The following DAP variants were observed in gnomAD, a reference collection of about 807,000 sequenced individuals.
DAP encodes the protein death-associated protein 1.
Under a neutral mutation model 13.8 loss-of-function variants are expected in DAP, and 8 were observed. That is an observed-to-expected ratio of 0.58 (90% CI 0.34 to 1.05). DAP has a LOEUF of 1.05. DAP is among the 50% of genes least tolerant of loss of function. DAP has a pLI of 0.03. For synonymous variants in DAP, 47 were observed against 47.5 expected (o/e 0.99, Z 0.04); for missense variants, 106 against 133.2 (o/e 0.80, Z 1.01).
chr5:10,750,994 C>A (rs894438347), intron 1 of DAP, among the ~76,000 whole-genome samples: 13 of 152,334 alleles, frequency 8.5e-5, no homozygotes, highest in South Asian at 6.2e-4. Context: ...TAAAAGCAAG[C>A]CTTTGTTTAC....
intron 2 of DAP, among the ~76,000 whole-genome samples, chr5:10,716,774 C>T (rs912003541): frequency 5.3e-5 from 8 of 152,174 alleles, no homozygotes; most frequent in South Asian, 2.1e-4. Context: ...ATAAACTCCC[C>T]TTTATATGTA....
intron 3 of DAP, chr5:10,683,171 G>A: frequency 3.2e-6 from 1 of 315,496 alleles, no homozygotes. Flanking sequence ...CTTTCTTCAG[G>A]CATCCTCTGA....
At chr5:10,757,786 A>C (rs1337547874) in intron 1 of DAP, among the ~76,000 whole-genome samples, 5 of 152,126 alleles carry the variant, frequency 3.3e-5, no homozygotes, top group African/African-American at 1.2e-4. Context: ...AGAGTTGAGG[A>C]AGGTGTGGGC....
chr5:10,709,858 A>T (rs910162544), intron 2 of DAP, among the ~76,000 whole-genome samples: 7 of 152,180 alleles, frequency 4.6e-5, no homozygotes, highest in African/African-American at 1.7e-4. Flanking sequence ...CCCTTCTTGT[A>T]TTCTTTAGGG....
chr5:10,681,821 A>C (rs928763589), intron 3 of DAP, among the ~76,000 whole-genome samples: 2 of 150,252 alleles, frequency 1.3e-5, no homozygotes, highest in African/African-American at 2.5e-5. Flanking sequence ...TATAAGAGGA[A>C]GCTCCAGGCC....
chr5:10,726,285 T>C (rs1174705631), intron 2 of DAP, among the ~76,000 whole-genome samples: 3 of 152,252 alleles, frequency 2.0e-5, no homozygotes, highest in African/African-American at 7.2e-5. Flanking sequence ...TTTTCTCCCT[T>C]TAACACAGTG....
At chr5:10,741,071 C>G (rs1739741067) in intron 2 of DAP, among the ~76,000 whole-genome samples, 1 of 152,188 alleles carries the variant, frequency 6.6e-6, no homozygotes, top group Admixed American at 6.5e-5. Context: ...TTGGCTGTAG[C>G]TGGGTGTGGT....
chr5:10,686,555 G>A (rs982634359), intron 2 of DAP, among the ~76,000 whole-genome samples: 13 of 152,170 alleles, frequency 8.5e-5, no homozygotes, highest in African/African-American at 2.9e-4. Context: ...AGTTCGAGTG[G>A]TCTGGATAAA....
chr5:10,707,140 A>C lies in DAP; in HGVS notation c.153-23569T>G, dbSNP rs1254472388. 6.6e-6 allele frequency among the ~76,000 whole-genome samples: 1 copy of C among 152,232 alleles called. No homozygotes were observed. The highest frequency in any genetic ancestry group is 1.9e-4 in the East Asian group (1 of 5,192). On this transcript the variant is annotated intron_variant, in intron 2 of 3. Transcript: ENST00000230895. This position sits in a 1 kb window ranked among gnomAD's most constrained non-coding sequence, Gnocchi z 4.0. Reference sequence around the variant, plus strand: ...GGGGCTCAATGTCAAATGAATAATGAAAACTCAACTGGGCATTTACATTTA... The same window carrying C: ...GGGGCTCAATGTCAAATGAATAATGCAAACTCAACTGGGCATTTACATTTA...
intron 2 of DAP, among the ~76,000 whole-genome samples, chr5:10,710,913 G>T (rs1738832094): frequency 6.6e-6 from 1 of 152,212 alleles, no homozygotes; most frequent in African/African-American, 2.4e-5. Flanking sequence ...GAAGTGGTGA[G>T]GGCTGAGGGG....
chr5:10,734,698 A>G (rs1302248554), intron 2 of DAP, among the ~76,000 whole-genome samples: 1 of 152,208 alleles, frequency 6.6e-6, no homozygotes, highest in African/African-American at 2.4e-5. Context: ...ACATATCCAC[A>G]GGTGTTGGGA....
chr5:10,754,522 T>C (rs1199358446), intron 1 of DAP, among the ~76,000 whole-genome samples: 1 of 152,170 alleles, frequency 6.6e-6, no homozygotes, highest in Non-Finnish European at 1.5e-5. Flanking sequence ...GGGACCCCCC[T>C]GGGCCAAACA....
At chr5:10,699,192 C>CTACCTACT (rs1174759339) in intron 2 of DAP, among the ~76,000 whole-genome samples, 1 of 152,326 alleles carries the variant, frequency 6.6e-6, no homozygotes, top group African/African-American at 2.4e-5. Flanking sequence ...ACCTACCTAC[C>CTACCTACT]TACCTACTTA....
At chr5:10,753,479 G>A (rs1740096427) in intron 1 of DAP, among the ~76,000 whole-genome samples, 1 of 152,206 alleles carries the variant, frequency 6.6e-6, no homozygotes, top group Non-Finnish European at 1.5e-5. Flanking sequence ...TGCCCAAGTG[G>A]GAAGGGGAGT....
chr5:10,712,754 C>A (rs1326391080), intron 2 of DAP, among the ~76,000 whole-genome samples: 4 of 152,184 alleles, frequency 2.6e-5, no homozygotes, highest in African/African-American at 9.7e-5. Context: ...TTGAAGCTGG[C>A]GGGAATGCCC....
Position 10,748,103 on chromosome 5 carries a change from A to G in DAP, c.152+72T>C. 5 of 1,069,654 alleles carry G rather than the reference A, an allele frequency of 4.7e-6. 1 individual carries two copies. In the South Asian group the frequency reaches 5.0e-5, roughly 11 times the overall value. The allele number at this position is 1,069,654 out of a possible 1,614,324, so 66.3% of individuals were successfully genotyped here. A position where few individuals can be genotyped will look rare whatever the true frequency, so the allele number is the denominator to read the frequency against. ...AGGAGTTATCAGAATCATAGAACAG[A>G]GAACAAATGTTAATGCTTAACCGAA... On this transcript the variant is annotated intron_variant, in intron 2 of 3. Transcript: ENST00000230895.
chr5:10,704,914 C>T (rs1399814237), intron 2 of DAP, among the ~76,000 whole-genome samples: 3 of 152,130 alleles, frequency 2.0e-5, no homozygotes, highest in Non-Finnish European at 4.4e-5. Flanking sequence ...AGGACAAGCA[C>T]GTGGGTCCTC....
chr5:10,687,489 T>C (rs758531891), intron 2 of DAP, among the ~76,000 whole-genome samples: 1 of 151,996 alleles, frequency 6.6e-6, no homozygotes, highest in Non-Finnish European at 1.5e-5. Flanking sequence ...ATGGGTAACT[T>C]TGAGGGGGTT....
intron 2 of DAP, among the ~76,000 whole-genome samples, chr5:10,738,399 G>A (rs1196174829): frequency 1.3e-5 from 2 of 152,228 alleles, no homozygotes; most frequent in Non-Finnish European, 2.9e-5. Context: ...CATCTTAACT[G>A]AACAATCAAA....
Sources: allele counts gnomAD v4.1 joint callset (sites outside exome capture counted in the v4.1 genomes callset), GRCh38; gene constraint gnomAD v4.1.1; non-coding constraint Gnocchi (gnomAD v3.1); transcripts MANE v1.5; gene names NCBI Gene and HGNC (gene_info 2026-07-23, HGNC 2026-07-21).